Variants in SCAF8 observed in about 807,000 individuals in gnomAD.
The protein encoded by SCAF8 is SR-related and CTD-associated factor 8.
Under a neutral mutation model 140.5 loss-of-function variants are expected in SCAF8, and 23 were observed. That is an observed-to-expected ratio of 0.16 (90% CI 0.12 to 0.23). The LOEUF is 0.23. SCAF8 is among the 10% of genes least tolerant of loss of function. SCAF8 has a pLI of 1.00. For synonymous variants in SCAF8, 575 were observed against 528.9 expected (o/e 1.09, Z -1.20); for missense variants, 1,397 against 1,555.7 (o/e 0.90, Z 1.72).
chr6:154,769,062 C>CA (rs56383173), intron 1 of SCAF8, among the ~76,000 whole-genome samples: 82 of 96,634 alleles, frequency 8.5e-4, no homozygotes, highest in African/African-American at 1.4e-3. Context: ...GACACTGTCT[C>CA]AAAAAAAAAA....
chr6:154,733,825 G>T lies in SCAF8; in HGVS notation c.-76G>T. The T allele has an allele frequency of 6.7e-7, 1 of 1,495,948 alleles. No individual in the cohort carries two copies. The highest frequency in any genetic ancestry group is 8.9e-7 in the Non-Finnish European group (1 of 1,127,024). The allele number at this position is 1,495,948 out of a possible 1,614,324, so 92.7% of individuals were successfully genotyped here. A position where few individuals can be genotyped will look rare whatever the true frequency, so the allele number is the denominator to read the frequency against. On this transcript the variant is annotated 5_prime_UTR_variant, in exon 1 of 20. Transcript: ENST00000367178. The stretch of plus-strand genomic sequence containing the variant: ...CCTCCTCGCGGCCACGCAGCAGCCC[G>T]CGTCTCGCTCTCCCCACCCAGTGCA...
At chr6:154,809,709 G>A (rs184259368) in intron 11 of SCAF8, among the ~76,000 whole-genome samples, 3 of 152,242 alleles carry the variant, frequency 2.0e-5, no homozygotes, top group Admixed American at 6.5e-5. Flanking sequence ...TTTCATTCCT[G>A]TTCTTCTGTT....
At position 154,832,964 on chromosome 6, in the gene SCAF8, C is replaced by A; in HGVS notation, c.3385C>A (p.Arg1129=). The change falls in exon 20 of 20, where the codon CGA becomes AGA. Residue 1129 remains arginine, a synonymous_variant. Transcript: ENST00000367178. ...ERGRFRSGNY[R]FDPRSGPWNR... ...AGGTAGATTTCGGTCTGGAAACTATCGATTTGATCCTAGAAGTGGTCCTTG... is the reference window on the plus strand; with the variant it reads ...AGGTAGATTTCGGTCTGGAAACTATAGATTTGATCCTAGAAGTGGTCCTTG... The A allele has an allele frequency of 6.2e-7, 1 of 1,614,040 alleles. No individual in the cohort carries two copies. Among genetic ancestry groups the A allele is most frequent in the Middle Eastern group, 1.7e-4 (1 of 6,060 alleles).
intron 1 of SCAF8, among the ~76,000 whole-genome samples, chr6:154,736,165 T>C (rs1778412359): frequency 6.6e-6 from 1 of 151,786 alleles, no homozygotes; most frequent in Non-Finnish European, 1.5e-5. Flanking sequence ...TTGGATTTAA[T>C]TCCCGCCGCC....
At chr6:154,733,966 G>T (rs1313487260) in intron 1 of SCAF8, 36 bp downstream of exon 1, 2 of 1,509,184 alleles carry the variant, frequency 1.3e-6, no homozygotes, top group East Asian at 5.4e-5. Context: ...GCTCCTGCCC[G>T]CACCGCCCCC....
intron 17 of SCAF8, among the ~76,000 whole-genome samples, chr6:154,825,655 C>CAA (rs34342159): frequency 0.39 from 25,012 of 64,152 alleles, 4,862 homozygotes; most frequent in East Asian, 0.8. Flanking sequence ...GACCTTGTCT[C>CAA]AAAAAAAAAA....
chr6:154,812,284 TA>T, intron 12 of SCAF8, among the ~76,000 whole-genome samples: 1 of 143,574 alleles, frequency 7.0e-6, no homozygotes, highest in African/African-American at 2.5e-5. Flanking sequence ...ACTTTGTCTC[TA>T]TGTCAGCTTT....
chr6:154,798,734 A>G (rs541847669), intron 6 of SCAF8, among the ~76,000 whole-genome samples: 1 of 151,440 alleles, frequency 6.6e-6, no homozygotes, highest in African/African-American at 2.4e-5. Context: ...CTGAGAGTTC[A>G]TGCAACTCCT....
In SCAF8 at chr6:154,834,168, A is replaced by G. The variant is rs909064725; in HGVS notation, c.*773A>G. The G allele has an allele frequency of 6.6e-6, 1 of 152,200 alleles. No individual in the cohort carries two copies. Among genetic ancestry groups the G allele is most frequent in the Non-Finnish European group, 1.5e-5 (1 of 68,016 alleles). 9.4% of individuals were successfully genotyped at this position (152,200 alleles called of 1,614,324 possible). A position where few individuals can be genotyped will look rare whatever the true frequency, so the allele number is the denominator to read the frequency against. On this transcript the variant is annotated 3_prime_UTR_variant, in exon 20 of 20. Transcript: ENST00000367178. ...AAGCTTTCTATCATAACAACAATGA[A>G]CTATGTGGTGGAAAAAGCATGTACT...
intron 3 of SCAF8, among the ~76,000 whole-genome samples, chr6:154,783,942 C>T (rs1562443914): frequency 6.6e-6 from 1 of 151,796 alleles, no homozygotes; most frequent in Non-Finnish European, 1.5e-5. Context: ...TAGCACATGC[C>T]TGTAGTCCCA....
intron 6 of SCAF8, among the ~76,000 whole-genome samples, chr6:154,796,204 G>A (rs1777597306): frequency 6.6e-6 from 1 of 151,964 alleles, no homozygotes; most frequent in African/African-American, 2.4e-5. Context: ...GTTTTGTTTC[G>A]AGATATGTAT....
At chr6:154,756,787 G>A (rs948485644) in intron 1 of SCAF8, among the ~76,000 whole-genome samples, 2 of 152,152 alleles carry the variant, frequency 1.3e-5, no homozygotes, top group African/African-American at 4.8e-5. Context: ...AGCACTTTGG[G>A]AAGCGGAGGA....
intron 6 of SCAF8, among the ~76,000 whole-genome samples, chr6:154,801,473 TGGTG>T (rs990466258): frequency 2.6e-5 from 4 of 151,454 alleles, no homozygotes; most frequent in African/African-American, 4.8e-5. Context: ...GGTGGGTACA[TGGTG>T]GGAACAAGAG....
At chr6:154,745,129 T>C (rs1380396543) in intron 1 of SCAF8, among the ~76,000 whole-genome samples, 1 of 152,208 alleles carries the variant, frequency 6.6e-6, no homozygotes, top group African/African-American at 2.4e-5. Context: ...TGTCTTAGTC[T>C]CCCTTAATGT....
intron 1 of SCAF8, among the ~76,000 whole-genome samples, chr6:154,751,930 A>G (rs1000461362): frequency 4.6e-5 from 7 of 152,172 alleles, no homozygotes; most frequent in African/African-American, 7.2e-5. Flanking sequence ...CACTTGGCCA[A>G]CAGTTCTCCA....
At chr6:154,758,611 C>CT (rs200951962) in intron 1 of SCAF8, among the ~76,000 whole-genome samples, 2,248 of 152,258 alleles carry the variant, frequency 0.015, 56 homozygotes, top group African/African-American at 0.051. Context: ...TGCCAGTGTT[C>CT]TTTTTTCTCT....
Position 154,832,072 on chromosome 6 carries a change from A to G in SCAF8, c.2493A>G (p.Pro831=), listed in dbSNP as rs1193177433. The change falls in exon 20 of 20, where the codon CCA becomes CCG. Residue 831 remains proline (P), a synonymous_variant. Coordinates refer to ENST00000367178, the MANE Select transcript of SCAF8 (RefSeq NM_014892.5). ...SSNSEILGVR[P]SNVSSSSGII... is the part of the protein sequence containing the mutation. ...ATTCTGAAATTCTTGGGGTCCGGCC[A>G]TCTAATGTTTCCAGTAGTTCTGGGA... 2 of 1,614,156 alleles carry G rather than the reference A, an allele frequency of 1.2e-6. No individual in the cohort carries two copies. Among genetic ancestry groups the G allele is most frequent in the Admixed American group, 1.7e-5 (1 of 60,012 alleles).
rs1004049723 is a variant in SCAF8, at chr6:154,833,290, T to G, written c.3711T>G (p.Tyr1237Ter). ...CAGTACAGAATGATCCTGAACTTTA[T>G]GAAAAACTGACATCTTCAAATGAAA... ...PIPVQNDPEL[Y>*]EKLTSSNEIN... The change falls in exon 20 of 20, where the codon TAT becomes TAG. Residue 1237 changes from tyrosine (Y) to a stop codon, truncating the protein, a stop_gained. Transcript: ENST00000367178. LOFTEE classifies it high-confidence loss of function. The G allele has an allele frequency of 6.2e-7, 1 of 1,614,032 alleles. No homozygotes were observed. Among genetic ancestry groups the G allele is most frequent in the Non-Finnish European group, 8.5e-7 (1 of 1,179,988 alleles).
intron 4 of SCAF8, among the ~76,000 whole-genome samples, chr6:154,790,416 G>T (rs1777379218): frequency 6.6e-6 from 1 of 150,474 alleles, no homozygotes. Context: ...ATATTATGAG[G>T]GATTTAAAGT....
Sources: allele counts gnomAD v4.1 joint callset (sites outside exome capture counted in the v4.1 genomes callset), GRCh38; gene constraint gnomAD v4.1.1; transcripts MANE v1.5; gene names NCBI Gene and HGNC (gene_info 2026-07-23, HGNC 2026-07-21).